The following RSF1 variants were observed in gnomAD, a reference collection of about 807,000 sequenced individuals.
The protein encoded by RSF1 is HBV pX-associated protein 8.
A neutral mutation model predicts 145.2 loss-of-function variants in RSF1; 13 were observed. The observed-to-expected ratio is 0.09, with a 90% CI of 0.06 to 0.14. RSF1 has a LOEUF of 0.14. RSF1 is among the 10% of genes least tolerant of loss of function. The probability of loss-of-function intolerance (pLI) is 1.00; values close to 1 mark genes in which losing one functional copy is unlikely to be tolerated. For synonymous variants in RSF1, 577 were observed against 592.6 expected (o/e 0.97, Z 0.38); for missense variants, 1,517 against 1,718.2 (o/e 0.88, Z 2.07).
chr11:77,808,620 G>A (rs1233256682), intron 1 of RSF1, among the ~76,000 whole-genome samples: 3 of 83,644 alleles, frequency 3.6e-5, no homozygotes, highest in Non-Finnish European at 4.0e-5. Context: ...TGCAAGCTCC[G>A]CCTCCCGGGT....
upstream of RSF1, among the ~76,000 whole-genome samples, chr11:77,821,759 C>A (rs909155377): frequency 6.6e-6 from 1 of 152,078 alleles, no homozygotes; most frequent in Non-Finnish European, 1.5e-5. Context: ...CCACAAAGAA[C>A]GCCAGAGAGA....
chr11:77,807,923 G>A (rs991451388), intron 1 of RSF1, among the ~76,000 whole-genome samples: 1 of 152,152 alleles, frequency 6.6e-6, no homozygotes, highest in African/African-American at 2.4e-5. Flanking sequence ...CACCCTGGAG[G>A]CATTTGATAA....
At chr11:77,670,605 C>T (rs1164423780) in intron 15 of RSF1, among the ~76,000 whole-genome samples, 3 of 152,098 alleles carry the variant, frequency 2.0e-5, no homozygotes, top group South Asian at 4.1e-4. Flanking sequence ...TGGAATAGGG[C>T]CTAGCTTAAT....
chr11:77,784,266 C>T (rs1948432943), intron 1 of RSF1, among the ~76,000 whole-genome samples: 1 of 152,172 alleles, frequency 6.6e-6, no homozygotes, highest in African/African-American at 2.4e-5. Context: ...TGTTCTGCAG[C>T]ATCCAATCTT....
At chr11:77,767,383 G>C (rs973526862) in intron 1 of RSF1, among the ~76,000 whole-genome samples, 3 of 152,038 alleles carry the variant, frequency 2.0e-5, no homozygotes, top group African/African-American at 7.3e-5. Context: ...CTTCCAAAAA[G>C]ACTGCTTTCA....
chr11:77,762,336 C>T (rs1195088598), intron 2 of RSF1: 4 of 152,150 alleles, frequency 2.6e-5, no homozygotes, highest in Admixed American at 6.5e-5. Context: ...ACACCTCTCT[C>T]TCTTTCTCTC....
In RSF1 at chr11:77,694,762, T is replaced by C. The variant is rs148785123; in HGVS notation, c.2716-1151A>G. On this transcript the variant is annotated intron_variant, in intron 7 of 15. Coordinates refer to ENST00000308488, the MANE Select transcript of RSF1 (RefSeq NM_016578.4). The stretch of plus-strand genomic sequence containing the variant: ...TTTTGTTGATTTTGAATCTTGCAGG[T>C]CCCTTTACATTCAGTTATGTTTTGT... 2.6e-5 allele frequency among the ~76,000 whole-genome samples: 4 copies of C among 152,312 alleles called. No homozygotes were observed. In the East Asian group the frequency reaches 5.8e-4, roughly 22 times the overall value.
At chr11:77,740,336 T>C (rs147959598) in intron 4 of RSF1, among the ~76,000 whole-genome samples, 338 of 152,274 alleles carry the variant, frequency 2.2e-3, no homozygotes, top group African/African-American at 7.2e-3. Context: ...GATTGCGCCA[T>C]TGCACTCCAG....
At chr11:77,820,996 G>A, upstream of RSF1, 2 of 490,112 alleles carry the variant, frequency 4.1e-6, no homozygotes, top group East Asian at 6.7e-5. Flanking sequence ...ACTGCCTCGT[G>A]TGACAGGGGG....
At chr11:77,780,867 T>G (rs1948396373) in intron 1 of RSF1, among the ~76,000 whole-genome samples, 1 of 151,206 alleles carries the variant, frequency 6.6e-6, no homozygotes, top group Admixed American at 6.6e-5. Context: ...TAAATGGTTC[T>G]CCCATGCTCC....
chr11:77,734,798 G>A (rs1406836802), intron 4 of RSF1: 4 of 1,593,926 alleles, frequency 2.5e-6, no homozygotes, highest in African/African-American at 1.3e-5. Flanking sequence ...CGGCCACCTC[G>A]TTGGTTCTGC....
At chr11:77,738,837 A>T (rs975983083) in intron 4 of RSF1, 6 of 148,734 alleles carry the variant, frequency 4.0e-5, no homozygotes, top group African/African-American at 1.5e-4. Context: ...GTGCCACCAA[A>T]CCCAGCTAAT....
intron 2 of RSF1, chr11:77,764,257 A>C (rs1948204023): frequency 4.7e-6 from 1 of 210,586 alleles, no homozygotes; most frequent in Admixed American, 6.0e-5. Flanking sequence ...TACTATGTGA[A>C]CTAAAGTAAA....
At chr11:77,858,159 C>T in the RSF1 span, among the ~76,000 whole-genome samples, 1 of 150,162 alleles carries the variant, frequency 6.7e-6, no homozygotes, top group East Asian at 2.0e-4. Context: ...GCTGAGACTA[C>T]AGTTGTGTGC....
the RSF1 span, among the ~76,000 whole-genome samples, chr11:77,850,066 G>C: frequency 6.6e-6 from 1 of 152,134 alleles, no homozygotes; most frequent in Non-Finnish European, 1.5e-5. Flanking sequence ...ATAAATGTTT[G>C]CTGAATTGAA....
chr11:77,790,442 C>A (rs1220727077), intron 1 of RSF1, among the ~76,000 whole-genome samples: 7 of 152,128 alleles, frequency 4.6e-5, no homozygotes, highest in Admixed American at 4.6e-4. Flanking sequence ...CACAGCCAAG[C>A]CATATCATCC....
intron 1 of RSF1, among the ~76,000 whole-genome samples, chr11:77,784,152 A>ATAC (rs1452467914): frequency 1.3e-5 from 2 of 152,164 alleles, no homozygotes; most frequent in African/African-American, 2.4e-5. Context: ...AGGCTGCTTG[A>ATAC]TACTATTCCA....
Position 77,701,597 on chromosome 11 carries a change from A to C in RSF1, c.1632T>G (p.Ser544=), listed in dbSNP as rs1167778957. The change falls in exon 6 of 16, where the codon TCT becomes TCG. Residue 544 remains serine (S), a synonymous_variant. Transcript: ENST00000308488. ...PPEMETSLDS[S]EMAKDLSSKT... is the part of the protein sequence containing the mutation. ...TTGAAGAGAGATCTTTTGCCATCTCAGAAGAATCAAGAGAAGTTTCCATTT... is the reference window on the plus strand; with the variant it reads ...TTGAAGAGAGATCTTTTGCCATCTCCGAAGAATCAAGAGAAGTTTCCATTT... 7.4e-6 allele frequency: 12 copies of C among 1,614,052 alleles called. No homozygotes were observed. In the Admixed American group the frequency reaches 1.7e-4, roughly 22 times the overall value.
intron 1 of RSF1, chr11:77,813,820 G>GACAC (rs10688175): frequency 0.1 from 17,548 of 169,090 alleles, 1,182 homozygotes; most frequent in East Asian, 0.23. Flanking sequence ...TTTGTAAAAG[G>GACAC]ACACACACAC....
Sources: gnomAD v4.1 joint callset for allele counts (sites outside exome capture counted in the v4.1 genomes callset) on GRCh38, gnomAD v4.1.1 for gene constraint, MANE v1.5 for transcripts, NCBI Gene and HGNC (gene_info 2026-07-23, HGNC 2026-07-21) for gene names.